Variants in CSTPP1 observed in about 807,000 individuals in gnomAD.
CSTPP1 encodes UPF0705 protein C11orf49.
the CSTPP1 span, among the ~76,000 whole-genome samples, chr11:46,937,360 G>T: frequency 2.6e-5 from 4 of 152,140 alleles, no homozygotes; most frequent in East Asian, 3.8e-4. Context: ...CGTTAAGTTA[G>T]GCCACACAGC....
the CSTPP1 span, among the ~76,000 whole-genome samples, chr11:47,095,150 T>G: frequency 8.5e-5 from 13 of 152,318 alleles, no homozygotes; most frequent in African/African-American, 3.1e-4. Context: ...TGAAAGAACT[T>G]TCCATGATTT....
At chr11:47,156,901 C>A in the CSTPP1 span, 6 of 938,838 alleles carry the variant, frequency 6.4e-6, no homozygotes, top group African/African-American at 8.3e-5. Context: ...GGACACCATG[C>A]CCTGAGCACT....
At chr11:47,037,450 G>A in the CSTPP1 span, among the ~76,000 whole-genome samples, 9 of 117,718 alleles carry the variant, frequency 7.6e-5, 1 homozygote, top group African/African-American at 2.3e-4. Flanking sequence ...ATTTGGCAGG[G>A]TCACAGGACA....
At chr11:47,110,232 C>G in the CSTPP1 span, among the ~76,000 whole-genome samples, 21 of 152,338 alleles carry the variant, frequency 1.4e-4, no homozygotes, top group Non-Finnish European at 2.6e-4. Flanking sequence ...GGATTTTTAT[C>G]TGTCTTATCC....
the CSTPP1 span, among the ~76,000 whole-genome samples, chr11:46,965,914 C>T: frequency 6.6e-6 from 1 of 152,290 alleles, no homozygotes; most frequent in East Asian, 1.9e-4. Flanking sequence ...GGACATTTTA[C>T]CCTCGTATGA....
the CSTPP1 span, among the ~76,000 whole-genome samples, chr11:47,051,056 C>T: frequency 3.3e-5 from 5 of 152,140 alleles, no homozygotes; most frequent in South Asian, 2.1e-4. Context: ...AGAAGGGAAA[C>T]GGAATAGATG....
chr11:47,088,581 C>G, the CSTPP1 span, among the ~76,000 whole-genome samples: 6 of 152,190 alleles, frequency 3.9e-5, no homozygotes, highest in African/African-American at 1.4e-4. Context: ...CAGCGTCTCT[C>G]TCTTGCCCAG....
the CSTPP1 span, among the ~76,000 whole-genome samples, chr11:46,974,713 G>A: frequency 6.6e-6 from 1 of 151,552 alleles, no homozygotes; most frequent in Non-Finnish European, 1.5e-5. Flanking sequence ...AAATTAGCTG[G>A]GTGTGGTGGT....
the CSTPP1 span, among the ~76,000 whole-genome samples, chr11:47,060,057 T>C: frequency 6.8e-6 from 1 of 148,128 alleles, no homozygotes; most frequent in East Asian, 2.0e-4. Flanking sequence ...TGAGCCAAGA[T>C]CATGCCACTG....
At chr11:46,992,788 T>A in the CSTPP1 span, among the ~76,000 whole-genome samples, 1 of 152,198 alleles carries the variant, frequency 6.6e-6, no homozygotes, top group East Asian at 1.9e-4. Flanking sequence ...GTATTTCTAG[T>A]TCTAGATCCT....
the CSTPP1 span, among the ~76,000 whole-genome samples, chr11:46,937,073 C>A: frequency 6.6e-6 from 1 of 151,980 alleles, no homozygotes; most frequent in Non-Finnish European, 1.5e-5. Flanking sequence ...GGAACTCAGG[C>A]AATGTGGATT....
chr11:47,037,851 T>C, the CSTPP1 span, among the ~76,000 whole-genome samples: 1 of 127,930 alleles, frequency 7.8e-6, no homozygotes, highest in South Asian at 2.5e-4. Flanking sequence ...CCCCTTTCTA[T>C]TCCACAAAAC....
the CSTPP1 span, among the ~76,000 whole-genome samples, chr11:47,004,784 T>C: frequency 6.6e-6 from 1 of 152,210 alleles, no homozygotes; most frequent in Non-Finnish European, 1.5e-5. Context: ...AGTACAGTGA[T>C]GGGCTCAGGG....
At chr11:47,145,826 T>C in the CSTPP1 span, among the ~76,000 whole-genome samples, 1 of 152,104 alleles carries the variant, frequency 6.6e-6, no homozygotes, top group African/African-American at 2.4e-5. Flanking sequence ...ATGGGGGCAG[T>C]GATCTTGCTG....
At chr11:47,049,424 C>T in the CSTPP1 span, among the ~76,000 whole-genome samples, 7 of 151,890 alleles carry the variant, frequency 4.6e-5, no homozygotes, top group Non-Finnish European at 7.4e-5. Flanking sequence ...ATCACTTGAA[C>T]TCAGGAGTTT....
the CSTPP1 span, among the ~76,000 whole-genome samples, chr11:47,096,970 C>T: frequency 6.6e-6 from 1 of 152,232 alleles, no homozygotes; most frequent in Admixed American, 6.5e-5. Context: ...TTAACGATAG[C>T]CCTTTTGGCT....
the CSTPP1 span, among the ~76,000 whole-genome samples, chr11:47,142,229 G>A: frequency 7.4e-6 from 1 of 134,844 alleles, no homozygotes; most frequent in African/African-American, 2.8e-5. Flanking sequence ...GTGACAGAGT[G>A]AGACTCCATC....
the CSTPP1 span, among the ~76,000 whole-genome samples, chr11:47,046,180 A>G: frequency 1.3e-5 from 2 of 152,104 alleles, no homozygotes; most frequent in Admixed American, 1.3e-4. Context: ...GGTAGATATC[A>G]AAAGAAATAA....
the CSTPP1 span, among the ~76,000 whole-genome samples, chr11:47,101,180 T>TA: frequency 2.5e-3 from 238 of 96,162 alleles, 1 homozygote; most frequent in African/African-American, 8.1e-3. Context: ...TTTTTTTTTT[T>TA]TTTTTTTTTA....
Sources: gnomAD v4.1 joint callset for allele counts (sites outside exome capture counted in the v4.1 genomes callset) on GRCh38, gnomAD v4.1.1 for gene constraint, MANE v1.5 for transcripts, NCBI Gene and HGNC (gene_info 2026-07-23, HGNC 2026-07-21) for gene names.